DAD1: variants seen among roughly 807,000 people sequenced by gnomAD.
The protein encoded by DAD1 is defender against cell death 1.
A neutral mutation model predicts 9.0 loss-of-function variants in DAD1; 4 were observed. The observed-to-expected ratio is 0.44, with a 90% CI of 0.22 to 1.01. DAD1 has a LOEUF of 1.01. DAD1 is among the 50% of genes least tolerant of loss of function. The pLI is 0.24. For synonymous variants in DAD1, 60 were observed against 62.5 expected, an observed-to-expected ratio of 0.96 and a Z score of 0.19; for missense variants, 119 against 137.3, an observed-to-expected ratio of 0.87 and a Z score of 0.67.
intron 2 of DAD1, among the ~76,000 whole-genome samples, chr14:22,570,721 AG>A (rs1377030860): frequency 1.3e-5 from 2 of 152,238 alleles, no homozygotes; most frequent in African/African-American, 4.8e-5. Context: ...CCAACCCTGT[AG>A]CCCCCTTGTT....
At chr14:22,586,332 G>C (rs1005486405) in intron 1 of DAD1, among the ~76,000 whole-genome samples, 2 of 151,798 alleles carry the variant, frequency 1.3e-5, no homozygotes, top group African/African-American at 4.8e-5. Flanking sequence ...GATCACCTGA[G>C]GTCAGGAGTT....
chr14:22,586,640 T>A (rs1421706839), intron 1 of DAD1, among the ~76,000 whole-genome samples: 4 of 152,176 alleles, frequency 2.6e-5, no homozygotes, highest in Non-Finnish European at 5.9e-5. Context: ...CTCTCCCAGC[T>A]CACTGGACTC....
chr14:22,577,983 G>A (rs1487625097), intron 1 of DAD1, among the ~76,000 whole-genome samples: 1 of 152,252 alleles, frequency 6.6e-6, no homozygotes, highest in East Asian at 1.9e-4. Context: ...GCCGGGCACG[G>A]TGGCTCACGC....
intron 2 of DAD1, among the ~76,000 whole-genome samples, chr14:22,573,212 T>C (rs35153292): frequency 0.092 from 14,036 of 151,774 alleles, 1,194 homozygotes; most frequent in African/African-American, 0.22. Context: ...AGGGTCTTGC[T>C]ATGTTGCCCA....
chr14:22,589,053 C>A lies in DAD1; in HGVS notation c.105G>T (p.Leu35=). Residue 35 remains leucine (L), a synonymous_variant, in exon 1 of 3, where the codon CTG becomes CTT. Coordinates refer to ENST00000250498, the MANE Select transcript of DAD1 (RefSeq NM_001344.4). ...AACCGAACTGCAGCGCCCCGGTCAG[C>A]AGTATATACAGCAGGTACGCGTCCA... ...KLLDAYLLYI[L]LTGALQFGYC... 1 of 1,614,216 alleles carries A rather than the reference C, an allele frequency of 6.2e-7. No individual in the cohort carries two copies.
intron 1 of DAD1, among the ~76,000 whole-genome samples, chr14:22,577,406 C>G (rs944013175): frequency 1.3e-5 from 2 of 152,146 alleles, no homozygotes; most frequent in African/African-American, 4.8e-5. Flanking sequence ...CCCACTCCAG[C>G]CTAGGTGACA....
intron 2 of DAD1, among the ~76,000 whole-genome samples, chr14:22,572,053 ACT>A (rs1360358714): frequency 1.3e-5 from 2 of 152,124 alleles, no homozygotes; most frequent in Non-Finnish European, 2.9e-5. Context: ...CATAGCACAC[ACT>A]GAGCACTCAT....
At chr14:22,567,021 G>A (rs971137255) in intron 2 of DAD1, 2 of 152,156 alleles carry the variant, frequency 1.3e-5, no homozygotes, top group African/African-American at 4.8e-5. Flanking sequence ...GGGCATAAAG[G>A]TTTCAGGAAA....
chr14:22,569,380 C>A (rs977414945), intron 2 of DAD1, among the ~76,000 whole-genome samples: 2 of 151,728 alleles, frequency 1.3e-5, no homozygotes, highest in Non-Finnish European at 1.5e-5. Flanking sequence ...TTATAGTGAG[C>A]CAAGATCATG....
chr14:22,581,289 A>G (rs1358224769), intron 1 of DAD1, among the ~76,000 whole-genome samples: 1 of 152,210 alleles, frequency 6.6e-6, no homozygotes, highest in African/African-American at 2.4e-5. Flanking sequence ...CAGGATAATA[A>G]AGAGTGACTG....
chr14:22,574,998 C>G (rs2037066558), intron 2 of DAD1, 61 bp downstream of exon 2: 1 of 1,436,698 alleles, frequency 7.0e-7, no homozygotes, highest in Non-Finnish European at 9.5e-7. Context: ...CAAAACCAGT[C>G]CCATCCAATT....
intron 2 of DAD1, among the ~76,000 whole-genome samples, chr14:22,569,237 A>C (rs953072932): frequency 1.3e-5 from 2 of 152,108 alleles, no homozygotes; most frequent in African/African-American, 4.8e-5. Context: ...GATAGAGACC[A>C]TACTGGCCAA....
chr14:22,572,014 A>C (rs1214632024), intron 2 of DAD1, among the ~76,000 whole-genome samples: 3 of 152,196 alleles, frequency 2.0e-5, no homozygotes, highest in Non-Finnish European at 4.4e-5. Context: ...TCTGAAAATA[A>C]AATGATATAG....
At chr14:22,573,126 C>T (rs888414585) in intron 2 of DAD1, among the ~76,000 whole-genome samples, 2 of 151,894 alleles carry the variant, frequency 1.3e-5, no homozygotes, top group African/African-American at 2.4e-5. Context: ...GTTATGTTTA[C>T]GTATTCTCCC....
At chr14:22,583,066 C>G (rs1167244882) in intron 1 of DAD1, among the ~76,000 whole-genome samples, 1 of 149,956 alleles carries the variant, frequency 6.7e-6, no homozygotes, top group African/African-American at 2.5e-5. Flanking sequence ...GGTGAAGAGG[C>G]AGATGGCTGG....
chr14:22,585,204 G>C (rs2037144010), intron 1 of DAD1, among the ~76,000 whole-genome samples: 1 of 152,118 alleles, frequency 6.6e-6, no homozygotes, highest in Non-Finnish European at 1.5e-5. Flanking sequence ...TTGTAAACTA[G>C]GAAAAACAAA....
chr14:22,587,927 G>C (rs1001802301), intron 1 of DAD1, among the ~76,000 whole-genome samples: 3 of 152,192 alleles, frequency 2.0e-5, no homozygotes, highest in Admixed American at 6.5e-5. Context: ...GTAGAGATGG[G>C]GTTTCACCAT....
At chr14:22,583,419 T>C (rs2037131473) in intron 1 of DAD1, among the ~76,000 whole-genome samples, 1 of 151,054 alleles carries the variant, frequency 6.6e-6, no homozygotes, top group South Asian at 2.1e-4. Context: ...CATTAAATGC[T>C]AAACGTTGCA....
intron 1 of DAD1, among the ~76,000 whole-genome samples, chr14:22,580,019 T>G (rs2037105120): frequency 6.6e-6 from 1 of 151,830 alleles, no homozygotes; most frequent in African/African-American, 2.4e-5. Flanking sequence ...TTTTTGTTTG[T>G]TTTTGGTAAA....
Sources: allele counts gnomAD v4.1 joint callset (sites outside exome capture counted in the v4.1 genomes callset), GRCh38; gene constraint gnomAD v4.1.1; transcripts MANE v1.5; gene names NCBI Gene and HGNC (gene_info 2026-07-23, HGNC 2026-07-21).